The following PAPSS2 variants were observed in gnomAD, a reference collection of about 807,000 sequenced individuals.
The protein encoded by PAPSS2 is 3'-phosphoadenosine 5'-phosphosulfate synthase 2, also known as bifunctional 3'-phosphoadenosine 5'-phosphosulfate synthase 2.
In PAPSS2, 61 loss-of-function variants were observed where a neutral mutation model predicts 66.5. The observed-to-expected ratio is 0.92, with a 90% CI of 0.75 to 1.14. The LOEUF is 1.14. Ranked by LOEUF, PAPSS2 falls within the 50% of genes most tolerant of loss-of-function variation. PAPSS2 has a pLI of 0.00. For synonymous variants in PAPSS2, 289 were observed against 287.5 expected, an observed-to-expected ratio of 1.01 and a Z score of -0.05; for missense variants, 708 against 789.6, an observed-to-expected ratio of 0.90 and a Z score of 1.24.
intron 1 of PAPSS2, among the ~76,000 whole-genome samples, chr10:87,697,582 A>G (rs1369544899): frequency 6.6e-6 from 1 of 152,336 alleles, no homozygotes; most frequent in Admixed American, 6.5e-5. Flanking sequence ...GAGCTGCCTC[A>G]AGCAATTTCA....
chr10:87,684,958 A>G (rs922457540), intron 1 of PAPSS2, among the ~76,000 whole-genome samples: 3 of 152,098 alleles, frequency 2.0e-5, no homozygotes, highest in Non-Finnish European at 2.9e-5. Context: ...TTCTCCCTCT[A>G]AAGGACTGCC....
Position 87,745,656 on chromosome 10 carries a change from T to C in PAPSS2, c.1722-176T>C, listed in dbSNP as rs565506780. On this transcript the variant is annotated intron_variant, in intron 12 of 12. Coordinates refer to ENST00000456849, the MANE Select transcript of PAPSS2 (RefSeq NM_001015880.2). ...GCATGGCAAATACTAAATGGATAGC[T>C]GCCATTATTTCCCTTCTCTTCTGCA... 5.3e-5 allele frequency among the ~76,000 whole-genome samples: 8 copies of C among 152,362 alleles called. No homozygotes were observed. In the South Asian group the frequency reaches 1.7e-3, roughly 32 times the overall value.
chr10:87,734,692 T>C (rs1055928490), intron 9 of PAPSS2, among the ~76,000 whole-genome samples: 19 of 128,998 alleles, frequency 1.5e-4, no homozygotes, highest in South Asian at 1.4e-3. Context: ...TATATATATA[T>C]ATATATATAT....
rs754039934 is a variant in PAPSS2 at position 87,727,326 on chromosome 10, C to T, written c.923C>T (p.Ser308Phe). The T allele has an allele frequency of 3.1e-6, 5 of 1,613,934 alleles. No individual in the cohort carries two copies. The highest frequency in any genetic ancestry group is 4.2e-6 in the Non-Finnish European group (5 of 1,179,998). Residue 308 changes from serine to phenylalanine, a missense_variant, in exon 9 of 13, where the codon TCT (serine) becomes TTT (phenylalanine). Transcript: ENST00000456849. Reference protein sequence around the residue: ...NMSIPIVLPVSAEDKTRLEGC... With the variant: ...NMSIPIVLPVFAEDKTRLEGC... ...AGCATCCCCATTGTACTGCCCGTCT[C>T]TGCAGAGGATAAGACACGGCTGGAA...
chr10:87,718,056 T>C (rs186035410), intron 7 of PAPSS2, among the ~76,000 whole-genome samples: 183 of 152,102 alleles, frequency 1.2e-3, no homozygotes, highest in African/African-American at 4.1e-3. Flanking sequence ...TTTTTTCTTT[T>C]TTTTGAGACA....
chr10:87,739,314 T>A (rs1853839012), intron 9 of PAPSS2, among the ~76,000 whole-genome samples: 1 of 152,220 alleles, frequency 6.6e-6, no homozygotes, highest in Admixed American at 6.5e-5. Context: ...AGATTATTTT[T>A]AAAAATAGGG....
At chr10:87,700,824 A>G (rs1320903286) in intron 1 of PAPSS2, among the ~76,000 whole-genome samples, 1 of 152,038 alleles carries the variant, frequency 6.6e-6, no homozygotes, top group African/African-American at 2.4e-5. Flanking sequence ...AGATATCCAA[A>G]GTAGAAGGGA....
chr10:87,712,729 T>A (rs1010443714), intron 2 of PAPSS2, among the ~76,000 whole-genome samples: 3 of 152,106 alleles, frequency 2.0e-5, no homozygotes, highest in African/African-American at 7.2e-5. Context: ...AATGCTGGGA[T>A]TACAGGCATG....
chr10:87,683,815 G>A (rs1312034526), intron 1 of PAPSS2, among the ~76,000 whole-genome samples: 1 of 151,978 alleles, frequency 6.6e-6, no homozygotes, highest in Non-Finnish European at 1.5e-5. Flanking sequence ...TCAGCCTCCA[G>A]AGTAGTTGGG....
intron 1 of PAPSS2, among the ~76,000 whole-genome samples, chr10:87,672,649 A>G (rs980156702): frequency 2.6e-5 from 4 of 152,176 alleles, no homozygotes; most frequent in African/African-American, 4.8e-5. Context: ...AGAAGCAGTG[A>G]CTACTTAAAA....
chr10:87,691,206 G>T (rs1363241582), intron 1 of PAPSS2, among the ~76,000 whole-genome samples: 1 of 151,976 alleles, frequency 6.6e-6, no homozygotes, highest in African/African-American at 2.4e-5. Flanking sequence ...CATCTGGCTC[G>T]CTACCTTTGA....
chr10:87,743,018 G>A (rs958982857), intron 10 of PAPSS2, among the ~76,000 whole-genome samples: 10 of 152,230 alleles, frequency 6.6e-5, no homozygotes, highest in Non-Finnish European at 1.2e-4. Flanking sequence ...GGCTGAGGCA[G>A]GCGGATCACT....
chr10:87,661,207 G>A lies in PAPSS2; in HGVS notation c.27+1199G>A, dbSNP rs996277229. Among the ~76,000 whole-genome samples, 7 of 152,170 alleles carry A rather than the reference G, an allele frequency of 4.6e-5. No individual in the cohort carries two copies. In the South Asian group the frequency reaches 1.5e-3, roughly 32 times the overall value. On this transcript the variant is annotated intron_variant, in intron 1 of 12. Coordinates refer to ENST00000456849, the MANE Select transcript of PAPSS2 (RefSeq NM_001015880.2). Reference sequence around the variant, plus strand: ...AGTGTGGAGGGGCCATGCAGGGCTAGAAGGGTCATTTGAGCAGCAAGAGAA... The same window carrying A: ...AGTGTGGAGGGGCCATGCAGGGCTAAAAGGGTCATTTGAGCAGCAAGAGAA...
At chr10:87,696,041 T>C (rs1007897476) in intron 1 of PAPSS2, among the ~76,000 whole-genome samples, 17 of 152,312 alleles carry the variant, frequency 1.1e-4, no homozygotes, top group South Asian at 8.3e-4. Context: ...GATGTGAAGA[T>C]CTGTGAGCAT....
At chr10:87,743,711 T>G (rs956365391) in intron 11 of PAPSS2, 70 bp downstream of exon 11, 3 of 1,554,204 alleles carry the variant, frequency 1.9e-6, no homozygotes, top group East Asian at 4.5e-5. Context: ...GAAGAGTAAA[T>G]GAGTCTCTGG....
rs1026071610 is a variant in PAPSS2 at position 87,682,951 on chromosome 10, C to T, written c.27+22943C>T. The stretch of plus-strand genomic sequence containing the variant: ...TGGGAGATGCTGCGCGTGCTTTCCC[C>T]ATAAATTCTGAGGGCAGTGCACAGT... On this transcript the variant is annotated intron_variant, in intron 1 of 12. Transcript: ENST00000456849. Among the ~76,000 whole-genome samples the T allele has an allele frequency of 2.0e-5, 3 of 152,256 alleles. No individual in the cohort carries two copies. The South Asian group carries it at 6.2e-4, about 32-fold the overall frequency.
At position 87,743,624 on chromosome 10, in the gene PAPSS2, T is replaced by C. The variant is rs750114149; in HGVS notation, c.1474T>C (p.Tyr492His). 6.2e-7 allele frequency: 1 copy of C among 1,614,052 alleles called. No homozygotes were observed. Among genetic ancestry groups the C allele is most frequent in the East Asian group, 2.2e-5 (1 of 44,888 alleles). ...TGCCATCTTTCCGTCTCCCATGTTA[T>C]ATGCTGGCCCCACAGAGGTGAGCAA... ...IVAIFPSPML[Y>H]AGPTEVQWHC... The change falls in exon 11 of 13, where the codon TAT becomes CAT. Residue 492 changes from tyrosine to histidine, a missense_variant. Coordinates refer to ENST00000456849, the MANE Select transcript of PAPSS2 (RefSeq NM_001015880.2).
intron 12 of PAPSS2, 118 bp downstream of exon 12, chr10:87,745,349 G>A: frequency 1.3e-6 from 1 of 797,220 alleles, no homozygotes; most frequent in Non-Finnish European, 2.1e-6. Flanking sequence ...AGTGGACTGA[G>A]TCCCTTGAGA....
rs142300119 is a variant in PAPSS2, at chr10:87,725,985, C to A, written c.881-1299C>A. Among the ~76,000 whole-genome samples the A allele has an allele frequency of 2.8e-4, 42 of 152,066 alleles. No homozygotes were observed. In the East Asian group the frequency reaches 4.5e-3, roughly 16 times the overall value. ...TCACAAACTCTTGGCCTGAAGCAAT[C>A]CTCCCATCTTGGCCTCCCAAAATGC... On this transcript the variant is annotated intron_variant, in intron 8 of 12. Transcript: ENST00000456849.
Sources: gnomAD v4.1 joint callset for allele counts (sites outside exome capture counted in the v4.1 genomes callset) on GRCh38, gnomAD v4.1.1 for gene constraint, MANE v1.5 for transcripts, NCBI Gene and HGNC (gene_info 2026-07-23, HGNC 2026-07-21) for gene names.